Variants in GFM1 observed in about 807,000 individuals in gnomAD.
GFM1 encodes elongation factor G, mitochondrial.
In GFM1, 62 loss-of-function variants were observed where a neutral mutation model predicts 96.2. The observed-to-expected ratio is 0.64, with a 90% CI of 0.53 to 0.80. The LOEUF is 0.80. Ranked by LOEUF, GFM1 falls within the 30% of genes least tolerant of loss-of-function variation. The pLI, the probability that GFM1 is intolerant of heterozygous loss-of-function variation, is 0.00. For synonymous variants in GFM1, 282 were observed against 312.9 expected, an observed-to-expected ratio of 0.90 and a Z score of 1.04; for missense variants, 852 against 916.6, an observed-to-expected ratio of 0.93 and a Z score of 0.91.
rs1726434590 is a variant in GFM1 at position 158,693,350 on chromosome 3, C to G, written c.*1883C>G. The G allele has an allele frequency of 6.6e-6, 1 of 152,208 alleles. No homozygotes were observed. The allele number at this position is 152,208 out of a possible 1,614,324, so 9.4% of individuals were successfully genotyped here. A position where few individuals can be genotyped will look rare whatever the true frequency, so the allele number is the denominator to read the frequency against. The stretch of plus-strand genomic sequence containing the variant: ...CTATGGCTATTGAGAATAGTCACAA[C>G]TACTGGAACTAAACTGGATAAATAA... On this transcript the variant is annotated 3_prime_UTR_variant, in exon 18 of 18. Transcript: ENST00000486715.
intron 10 of GFM1, among the ~76,000 whole-genome samples, chr3:158,661,267 C>T (rs180867900): frequency 1.1e-4 from 16 of 152,330 alleles, no homozygotes; most frequent in Non-Finnish European, 1.0e-4. Flanking sequence ...GGTACCTGGA[C>T]AGTGTGGCTC....
chr3:158,652,023 T>G, intron 5 of GFM1, 73 bp from the exon 6 acceptor site: 1 of 1,283,338 alleles, frequency 7.8e-7, no homozygotes, highest in South Asian at 1.2e-5. Flanking sequence ...TAACCATTAA[T>G]CATATATTTT....
intron 12 of GFM1, among the ~76,000 whole-genome samples, chr3:158,665,923 T>C (rs1306679693): frequency 2.0e-5 from 3 of 152,204 alleles, no homozygotes; most frequent in African/African-American, 7.2e-5. Flanking sequence ...TATTGATATA[T>C]AAGTAAAAAC....
chr3:158,675,802 A>G (rs2108080145), intron 13 of GFM1, among the ~76,000 whole-genome samples: 1 of 152,288 alleles, frequency 6.6e-6, no homozygotes, highest in Non-Finnish European at 1.5e-5. Flanking sequence ...TAATTGGACA[A>G]TTTCTGACTA....
chr3:158,652,330 G>C, intron 6 of GFM1, 84 bp downstream of exon 6: 1 of 1,137,594 alleles, frequency 8.8e-7, no homozygotes, highest in Admixed American at 1.7e-5. Flanking sequence ...ATGCTTTTAT[G>C]TATGGGCTTT....
At chr3:158,664,853 T>C (rs1323608674) in intron 11 of GFM1, among the ~76,000 whole-genome samples, 1 of 152,170 alleles carries the variant, frequency 6.6e-6, no homozygotes, top group Non-Finnish European at 1.5e-5. Flanking sequence ...AAAGGGTACA[T>C]CATACCACAT....
At chr3:158,659,613 ACG>A (rs1166305079) in intron 9 of GFM1, among the ~76,000 whole-genome samples, 1 of 152,142 alleles carries the variant, frequency 6.6e-6, no homozygotes, top group African/African-American at 2.4e-5. Context: ...ACTTTGACTT[ACG>A]CCTTGAATTC....
At chr3:158,647,978 G>T (rs1289255762) in intron 4 of GFM1, among the ~76,000 whole-genome samples, 1 of 151,914 alleles carries the variant, frequency 6.6e-6, no homozygotes, top group Non-Finnish European at 1.5e-5. Context: ...TCTCATTTTG[G>T]ATTGGGCTTA....
intron 11 of GFM1, among the ~76,000 whole-genome samples, chr3:158,663,806 AG>A (rs1723387993): frequency 6.6e-6 from 1 of 152,180 alleles, no homozygotes. Flanking sequence ...AATATCCAGA[AG>A]GTTTTTTGTT....
At chr3:158,661,835 T>G (rs1187697213) in intron 10 of GFM1, among the ~76,000 whole-genome samples, 1 of 152,208 alleles carries the variant, frequency 6.6e-6, no homozygotes, top group Non-Finnish European at 1.5e-5. Flanking sequence ...ATTCATGATT[T>G]TATAGTTTAG....
intron 13 of GFM1, among the ~76,000 whole-genome samples, chr3:158,675,248 T>G (rs1478933980): frequency 1.6e-5 from 2 of 122,274 alleles, no homozygotes; most frequent in African/African-American, 6.4e-5. Context: ...ATCATGCCAC[T>G]GCACTCCAGC....
chr3:158,646,677 C>A (rs1468192896), intron 3 of GFM1, 66 bp from the exon 4 acceptor site: 2 of 1,324,628 alleles, frequency 1.5e-6, no homozygotes, highest in African/African-American at 1.5e-5. Flanking sequence ...ACAAAAACTT[C>A]TAATAGTGCA....
chr3:158,690,556 TC>T, intron 16 of GFM1: 1 of 522,610 alleles, frequency 1.9e-6, no homozygotes, highest in South Asian at 2.2e-5. Flanking sequence ...ATATTATCTC[TC>T]TTTCTTGAAT....
rs772039608 is a variant in GFM1, at chr3:158,665,334, A to G, written c.1381-3A>G. On this transcript the variant is annotated splice_polypyrimidine_tract_variant and splice_region_variant and intron_variant, in intron 11 of 17. Coordinates refer to ENST00000486715, the MANE Select transcript of GFM1 (RefSeq NM_024996.7). ...ATATAGTGACTTTCTTCTTCTTTTA[A>G]AGAACGATCTGGAAAAATTTTCAAA... The G allele has an allele frequency of 6.2e-7, 1 of 1,606,228 alleles. No individual in the cohort carries two copies. Among genetic ancestry groups the G allele is most frequent in the East Asian group, 2.2e-5 (1 of 44,736 alleles).
At chr3:158,657,992 T>C (rs903714467) in intron 8 of GFM1, among the ~76,000 whole-genome samples, 1 of 152,088 alleles carries the variant, frequency 6.6e-6, no homozygotes, top group Non-Finnish European at 1.5e-5. Context: ...TTTTTACCTA[T>C]TTATTCCTCT....
At chr3:158,682,387 A>G in intron 14 of GFM1, 1 of 499,614 alleles carries the variant, frequency 2.0e-6, no homozygotes, top group Non-Finnish European at 3.6e-6. Context: ...TTTCTGAATC[A>G]TAGTTATATT....
rs1257426941 is a variant in GFM1 at position 158,691,888 on chromosome 3, TTTG to T, written c.*424_*426del. ...ACCACATACTTTCCATCTACCTTCC[TTTG>T]TTAACGGGTTGTTTATCATATAATA... On this transcript the variant is annotated 3_prime_UTR_variant, in exon 18 of 18. Transcript: ENST00000486715. 1 of 181,800 alleles carries T rather than the reference TTTG, an allele frequency of 5.5e-6. No homozygotes were observed. The highest frequency in any genetic ancestry group is 1.2e-5 in the Non-Finnish European group (1 of 86,280). The allele number at this position is 181,800 out of a possible 1,614,324, so 11.3% of individuals were successfully genotyped here.
In GFM1 at chr3:158,671,031, A is replaced by G. The variant is rs200031573; in HGVS notation, c.1601+4645A>G. 5.3e-6 allele frequency: 8 copies of G among 1,518,664 alleles called. No homozygotes were observed. In the Admixed American group the frequency reaches 7.1e-5, roughly 13 times the overall value. The allele number at this position is 1,518,664 out of a possible 1,614,324, so 94.1% of individuals were successfully genotyped here. On this transcript the variant is annotated intron_variant, in intron 13 of 17. Transcript: ENST00000486715. ...CTTCCTGGAATATCCTAAAATTAAG[A>G]AAATGTAGTGGAGACAAGAAAATAT... is the stretch of plus-strand genomic sequence containing the variant.
chr3:158,678,983 A>G (rs1237526029), intron 13 of GFM1, among the ~76,000 whole-genome samples: 1 of 152,216 alleles, frequency 6.6e-6, no homozygotes, highest in Non-Finnish European at 1.5e-5. Context: ...AGCCCTGGGC[A>G]ACATAGTGAG....
Sources: allele counts gnomAD v4.1 joint callset (sites outside exome capture counted in the v4.1 genomes callset), GRCh38; gene constraint gnomAD v4.1.1; transcripts MANE v1.5; gene names NCBI Gene and HGNC (gene_info 2026-07-23, HGNC 2026-07-21).